The following LMF1 variants were observed in gnomAD, a reference collection of about 807,000 sequenced individuals.
LMF1 encodes the protein lipase maturation factor 1.
LMF1 carries 68 observed loss-of-function variants against 60.6 expected under a neutral mutation model. That is an observed-to-expected ratio of 1.12 (90% CI 0.92 to 1.37). The LOEUF (loss-of-function observed/expected upper bound fraction) is 1.37, where lower values mean the gene tolerates loss of function less well. LMF1 is among the 40% of genes most tolerant of loss of function. The probability of loss-of-function intolerance (pLI) is 0.00; values close to 1 mark genes in which losing one functional copy is unlikely to be tolerated. For missense variants in LMF1, 948 were observed against 767.2 expected, an observed-to-expected ratio of 1.24 and a Z score of -2.78; for synonymous variants, 418 against 324.7, an observed-to-expected ratio of 1.29 and a Z score of -3.09.
At chr16:910,310 C>T (rs895120576) in intron 4 of LMF1, among the ~76,000 whole-genome samples, 2 of 152,290 alleles carry the variant, frequency 1.3e-5, no homozygotes, top group Non-Finnish European at 2.9e-5. Context: ...CACAGCCCGC[C>T]GCCCCCACAC....
chr16:970,911 C>G lies in LMF1; in HGVS notation c.70G>C (p.Asp24His). The part of the protein sequence containing the change: ...SLRRRKTGYS[D>H]PEPESPPAPG... ...GCGGGCGGCGACTCAGGCTCCGGAT[C>G]CGAGTACCCAGTCTTCCGCCTCCTC... Residue 24 changes from aspartate to histidine, a missense_variant, in exon 1 of 11, where the codon GAT becomes CAT. By Grantham distance (81) the Asp-to-His change is moderately conservative. Transcript: ENST00000262301. The G allele has an allele frequency of 6.3e-7, 1 of 1,580,736 alleles. No homozygotes were observed. The highest frequency in any genetic ancestry group is 1.2e-5 in the South Asian group (1 of 86,754).
chr16:978,914 C>G, intron 1 of LMF1: 4 of 446,802 alleles, frequency 9.0e-6, no homozygotes, highest in South Asian at 6.2e-5. Flanking sequence ...ACGCTGGCCT[C>G]TCCCTGCAGG....
Position 897,384 on chromosome 16 carries a change from G to A in LMF1, c.664-4312C>T, listed in dbSNP as rs560357173. ...GCCCCTACAGTCCCCGAAAGCACCG[G>A]CTAACGTGGTGTTTGAGGAGGGGGC... On this transcript the variant is annotated intron_variant, in intron 4 of 10. Coordinates refer to ENST00000262301, the MANE Select transcript of LMF1 (RefSeq NM_022773.4). This position sits in a 1 kb window ranked among gnomAD's most constrained non-coding sequence, Gnocchi z 4.3. Among the ~76,000 whole-genome samples, 5 of 152,274 alleles carry A rather than the reference G, an allele frequency of 3.3e-5. No homozygotes were observed. The South Asian group carries it at 1.0e-3, about 32-fold the overall frequency.
intron 6 of LMF1, 145 bp downstream of exon 6, chr16:879,425 A>G (rs564262870): frequency 1.0e-6 from 1 of 975,656 alleles, no homozygotes; most frequent in Admixed American, 2.8e-5. Context: ...CCCGTGACAC[A>G]AACGAAGGCT....
chr16:856,668 G>A (rs1369637122), intron 10 of LMF1, among the ~76,000 whole-genome samples: 1 of 152,258 alleles, frequency 6.6e-6, no homozygotes, highest in Non-Finnish European at 1.5e-5. Context: ...GTTTTGGAAA[G>A]GGTCAGAACC....
chr16:919,332 CCCA>C (rs140606097), intron 3 of LMF1, among the ~76,000 whole-genome samples: 1,885 of 152,238 alleles, frequency 0.012, 22 homozygotes, highest in South Asian at 0.096. Context: ...CGGGAATCAC[CCCA>C]CATGCCCGCG....
At chr16:947,497 T>G (rs562725978) in intron 2 of LMF1, 44 of 455,996 alleles carry the variant, frequency 9.6e-5, no homozygotes, top group African/African-American at 7.8e-4. Context: ...CAGCGTCCCC[T>G]CCAGCCCTGG....
intron 3 of LMF1, among the ~76,000 whole-genome samples, chr16:924,503 C>T (rs565570910): frequency 1.3e-5 from 2 of 152,266 alleles, no homozygotes; most frequent in African/African-American, 4.8e-5. Flanking sequence ...ACCTGTAAAA[C>T]CCTGAGCATG....
At chr16:946,730 C>G (rs2072246686) in intron 2 of LMF1, among the ~76,000 whole-genome samples, 2 of 152,248 alleles carry the variant, frequency 1.3e-5, no homozygotes, top group African/African-American at 4.8e-5. Context: ...CAGTCACCTA[C>G]ATGGCCCATG....
At chr16:875,767 C>T (rs552426186) in intron 6 of LMF1, among the ~76,000 whole-genome samples, 4 of 152,260 alleles carry the variant, frequency 2.6e-5, no homozygotes, top group East Asian at 3.9e-4. Context: ...CCGAGCCTGG[C>T]GTGGGCATCT....
At chr16:909,482 C>T (rs978902874) in intron 4 of LMF1, among the ~76,000 whole-genome samples, 13 of 152,108 alleles carry the variant, frequency 8.5e-5, no homozygotes, top group East Asian at 5.8e-4. Flanking sequence ...CACAGAACCA[C>T]GCTATGCGCT....
At chr16:905,931 T>A (rs112291320) in intron 4 of LMF1, among the ~76,000 whole-genome samples, 24 of 152,324 alleles carry the variant, frequency 1.6e-4, no homozygotes, top group African/African-American at 4.8e-4. Flanking sequence ...TATGGTTAAT[T>A]TTTTTGTGTG....
chr16:892,971 CG>C (rs1567194878), intron 5 of LMF1, 35 bp downstream of exon 5: 3 of 1,502,692 alleles, frequency 2.0e-6, no homozygotes. Flanking sequence ...GGCGTGAGAC[CG>C]GGTGCCCTGC....
At chr16:957,575 A>G (rs1398046437) in intron 1 of LMF1, among the ~76,000 whole-genome samples, 1 of 152,204 alleles carries the variant, frequency 6.6e-6, no homozygotes, top group Non-Finnish European at 1.5e-5. Flanking sequence ...GCCGAGGCTG[A>G]CAAGCTGATT....
At chr16:937,948 G>C (rs948281904) in intron 2 of LMF1, among the ~76,000 whole-genome samples, 1 of 151,646 alleles carries the variant, frequency 6.6e-6, no homozygotes, top group East Asian at 1.9e-4. Context: ...CCAGGTTCCT[G>C]ACTTGTGTCT....
intron 3 of LMF1, among the ~76,000 whole-genome samples, chr16:921,653 G>T (rs1377001303): frequency 6.6e-6 from 1 of 152,126 alleles, no homozygotes; most frequent in Non-Finnish European, 1.5e-5. Flanking sequence ...AGGGAAAGAC[G>T]CAGTGTGCGG....
intron 2 of LMF1, among the ~76,000 whole-genome samples, chr16:935,912 C>T (rs894252479): frequency 6.6e-6 from 1 of 150,788 alleles, no homozygotes; most frequent in African/African-American, 2.4e-5. Context: ...GGGAGGTGGG[C>T]GGGGACAGAG....
intron 5 of LMF1, among the ~76,000 whole-genome samples, chr16:884,583 G>A (rs2070252994): frequency 6.6e-6 from 1 of 152,260 alleles, no homozygotes; most frequent in Non-Finnish European, 1.5e-5. Flanking sequence ...AATGATCACA[G>A]ATGGAAACCT....
chr16:868,325 T>C (rs74001085), intron 10 of LMF1, among the ~76,000 whole-genome samples: 2,516 of 152,164 alleles, frequency 0.017, 77 homozygotes, highest in African/African-American at 0.057. Context: ...CTGGTCACAA[T>C]GCTCAGGGTC....
Sources: allele counts gnomAD v4.1 joint callset (sites outside exome capture counted in the v4.1 genomes callset), GRCh38; gene constraint gnomAD v4.1.1; non-coding constraint Gnocchi (gnomAD v3.1); transcripts MANE v1.5; gene names NCBI Gene and HGNC (gene_info 2026-07-23, HGNC 2026-07-21).